The following PPP6R3 variants were observed in gnomAD, a reference collection of about 807,000 sequenced individuals.
PPP6R3 encodes the protein serine/threonine-protein phosphatase 6 regulatory subunit 3.
Under a neutral mutation model 110.7 loss-of-function variants are expected in PPP6R3, and 38 were observed. The ratio of observed to expected loss-of-function variants is 0.34; its 90% confidence interval spans 0.26 to 0.45. PPP6R3 has a LOEUF of 0.45. PPP6R3 is among the 20% of genes least tolerant of loss of function. The pLI, the probability that PPP6R3 is intolerant of heterozygous loss-of-function variation, is 1.00. For synonymous variants in PPP6R3, 369 were observed against 373.5 expected (o/e 0.99, Z 0.14); for missense variants, 870 against 1,062.4 (o/e 0.82, Z 2.52).
chr11:68,508,754 AAAG>A (rs1291129558), intron 1 of PPP6R3, among the ~76,000 whole-genome samples: 1 of 152,058 alleles, frequency 6.6e-6, no homozygotes, highest in Non-Finnish European at 1.5e-5. Flanking sequence ...GCAGTACTGA[AAAG>A]AAGAGAAATC....
At chr11:68,598,928 G>A (rs1217432596) in intron 19 of PPP6R3, among the ~76,000 whole-genome samples, 1 of 152,148 alleles carries the variant, frequency 6.6e-6, no homozygotes, top group East Asian at 1.9e-4. Flanking sequence ...AGGTAGGTGG[G>A]CAAGAAGCAT....
chr11:68,469,332 C>G (rs1190725771), intron 1 of PPP6R3, among the ~76,000 whole-genome samples: 1 of 152,132 alleles, frequency 6.6e-6, no homozygotes, highest in Non-Finnish European at 1.5e-5. Flanking sequence ...GAGTCCCAGG[C>G]TAGAGTGCAG....
chr11:68,505,979 A>G (rs2153505375), intron 1 of PPP6R3, among the ~76,000 whole-genome samples: 1 of 152,130 alleles, frequency 6.6e-6, no homozygotes, highest in African/African-American at 2.4e-5. Context: ...CCTTTTCTTC[A>G]TTCATGTTTT....
intron 14 of PPP6R3, among the ~76,000 whole-genome samples, 163 bp from the exon 15 acceptor site, chr11:68,582,880 C>T (rs1161110692): frequency 1.3e-5 from 2 of 152,198 alleles, no homozygotes; most frequent in Non-Finnish European, 2.9e-5. Context: ...GAAGGGTGCC[C>T]TTGACACATT....
chr11:68,471,603 A>G (rs1027603653), intron 1 of PPP6R3, among the ~76,000 whole-genome samples: 2 of 152,182 alleles, frequency 1.3e-5, no homozygotes, highest in Non-Finnish European at 2.9e-5. Context: ...ATTCACAAGG[A>G]TTGAGAGAAG....
At chr11:68,521,992 C>CTT (rs2099166429) in intron 2 of PPP6R3, among the ~76,000 whole-genome samples, 1 of 152,136 alleles carries the variant, frequency 6.6e-6, no homozygotes, top group Non-Finnish European at 1.5e-5. Flanking sequence ...TTGGAAATGT[C>CTT]TTTTTACACA....
Position 68,587,893 on chromosome 11 carries a change from A to G in PPP6R3, c.1633-34A>G, listed in dbSNP as rs749266022. The G allele has an allele frequency of 2.0e-6, 3 of 1,517,624 alleles. No homozygotes were observed. In the African/African-American group the frequency reaches 4.1e-5, roughly 21 times the overall value. The allele number at this position is 1,517,624 out of a possible 1,614,324, so 94.0% of individuals were successfully genotyped here. ...TAGTATGTAGAATATCATTAGAATC[A>G]TTATATCACTGTCACTGGTCCTGGG... On this transcript the variant is annotated intron_variant, in intron 15 of 23. Coordinates refer to ENST00000393800, the MANE Select transcript of PPP6R3 (RefSeq NM_001164161.2).
chr11:68,492,921 A>G (rs2098992794), intron 1 of PPP6R3, among the ~76,000 whole-genome samples: 1 of 152,082 alleles, frequency 6.6e-6, no homozygotes, highest in South Asian at 2.1e-4. Flanking sequence ...TCTTCCTACC[A>G]TTCTTGGCCT....
intron 2 of PPP6R3, among the ~76,000 whole-genome samples, chr11:68,528,643 A>G (rs141225803): frequency 6.6e-6 from 1 of 152,098 alleles, no homozygotes; most frequent in East Asian, 1.9e-4. Context: ...TGTCAGGGGG[A>G]AGAGTTTCTC....
intron 9 of PPP6R3, among the ~76,000 whole-genome samples, chr11:68,565,317 C>T (rs2099457604): frequency 2.0e-5 from 3 of 151,898 alleles, no homozygotes; most frequent in Admixed American, 1.3e-4. Context: ...GTGAGCAGGT[C>T]GTGGTTCCAT....
chr11:68,466,232 C>T (rs1457426555), intron 1 of PPP6R3, among the ~76,000 whole-genome samples: 4 of 152,048 alleles, frequency 2.6e-5, no homozygotes, highest in African/African-American at 2.4e-5. Context: ...AGCCCCCTTT[C>T]CTACTTCTCA....
chr11:68,536,159 GCTCT>G (rs1037083570), intron 2 of PPP6R3, among the ~76,000 whole-genome samples: 2 of 151,942 alleles, frequency 1.3e-5, no homozygotes, highest in Non-Finnish European at 2.9e-5. Flanking sequence ...AAATGATTTT[GCTCT>G]CTATGATCTC....
At position 68,496,853 on chromosome 11, in the gene PPP6R3, CTTTTTTTTTTTTT is replaced by C. The variant is rs1157617908; in HGVS notation, c.-157-22634_-157-22622del. Among the ~76,000 whole-genome samples the C allele has an allele frequency of 8.5e-3, 521 of 61,314 alleles. 1 individual carries two copies. The highest frequency in any genetic ancestry group is 0.032 in the African/African-American group (471 of 14,890). 40.2% of individuals were successfully genotyped at this position (61,314 alleles called of 152,430 possible). ...TTTCTTAATTATTCCATATTCTTGTCTTTTTTTTTTTTTTTTTTTTTTTTTTGAGACAGAGTCT... is the reference window on the plus strand; with the variant it reads ...TTTCTTAATTATTCCATATTCTTGTCTTTTTTTTTTTTTGAGACAGAGTCT... On this transcript the variant is annotated intron_variant, in intron 1 of 23. Transcript: ENST00000393800.
Position 68,558,230 on chromosome 11 carries a change from A to ATCATCAGAGTCTTGGT in PPP6R3, c.732-334_732-319dup, listed in dbSNP as rs144436454. ...GCCACCCCCAGCCCCAGTCATCATC[A>ATCATCAGAGTCTTGGT]TCATCAGAGTCTTGGTTTGAGTAGG... is the stretch of plus-strand genomic sequence containing the variant. On this transcript the variant is annotated intron_variant, in intron 7 of 23. Transcript: ENST00000393800. The ATCATCAGAGTCTTGGT allele has an allele frequency of 9.6e-4, 161 of 168,526 alleles. 1 individual carries two copies. In the East Asian group the frequency reaches 0.016, roughly 17 times the overall value. 10.4% of individuals were successfully genotyped at this position (168,526 alleles called of 1,614,324 possible). A position where few individuals can be genotyped will look rare whatever the true frequency, so the allele number is the denominator to read the frequency against.
rs888810042 is a variant in PPP6R3, at chr11:68,589,555, ATAT to A, written c.1731-1101_1731-1099del. Among the ~76,000 whole-genome samples the A allele has an allele frequency of 4.3e-4, 65 of 152,302 alleles. 2 individuals are homozygous for A. Among genetic ancestry groups the A allele is most frequent in the African/African-American group, 1.5e-3 (64 of 41,562 alleles). On this transcript the variant is annotated intron_variant, in intron 16 of 23. Coordinates refer to ENST00000393800, the MANE Select transcript of PPP6R3 (RefSeq NM_001164161.2). The stretch of plus-strand genomic sequence containing the variant: ...TTATAAACAAAATATTTTGAGGTAG[ATAT>A]TATAGCTCATTGACACAGAGTTTAA...
intron 7 of PPP6R3, chr11:68,558,233 A>G (rs2099406748): frequency 5.9e-6 from 1 of 170,880 alleles, no homozygotes; most frequent in Non-Finnish European, 1.2e-5. Flanking sequence ...CATCATCATC[A>G]TCAGAGTCTT....
intron 20 of PPP6R3, 139 bp downstream of exon 20, chr11:68,600,633 T>C: frequency 1.1e-6 from 1 of 915,626 alleles, no homozygotes; most frequent in Non-Finnish European, 1.6e-6. Context: ...AACATCAGCA[T>C]ACTAACACAG....
At chr11:68,508,971 A>C (rs2099093646) in intron 1 of PPP6R3, among the ~76,000 whole-genome samples, 1 of 152,154 alleles carries the variant, frequency 6.6e-6, no homozygotes, top group Non-Finnish European at 1.5e-5. Context: ...CTTTGGATTC[A>C]TTTCCTCTAA....
At position 68,572,743 on chromosome 11, in the gene PPP6R3, G is replaced by A. The variant is rs545490171; in HGVS notation, c.1344-1366G>A. On this transcript the variant is annotated intron_variant, in intron 12 of 23. Transcript: ENST00000393800. ...TATAGTCCCAGCTACTCAAGAGGCC[G>A]AAGTGAGAGAATTGCCTGAGCCCAG... 5.3e-5 allele frequency among the ~76,000 whole-genome samples: 8 copies of A among 152,102 alleles called. No homozygotes were observed. The East Asian group carries it at 1.2e-3, about 22-fold the overall frequency.
Sources: allele counts gnomAD v4.1 joint callset (sites outside exome capture counted in the v4.1 genomes callset), GRCh38; gene constraint gnomAD v4.1.1; transcripts MANE v1.5; gene names NCBI Gene and HGNC (gene_info 2026-07-23, HGNC 2026-07-21).